Variants in AOX1 observed in about 807,000 individuals in gnomAD.
The protein encoded by AOX1 is aldehyde oxidase 1.
AOX1 carries 153 observed loss-of-function variants against 169.5 expected under a neutral mutation model. That is an observed-to-expected ratio of 0.90 (90% CI 0.79 to 1.03). The LOEUF (loss-of-function observed/expected upper bound fraction) is 1.03, where lower values mean the gene tolerates loss of function less well. Ranked by LOEUF, AOX1 falls within the 50% of genes least tolerant of loss-of-function variation. The pLI is 0.00. For synonymous variants in AOX1, 562 were observed against 581.9 expected (o/e 0.97, Z 0.49); for missense variants, 1,656 against 1,663.9 (o/e 1.00, Z 0.08).
rs151033863 is a variant in AOX1, at chr2:200,667,369, C to G, written c.3609+617C>G. Among the ~76,000 whole-genome samples, 675 of 152,180 alleles carry G rather than the reference C, an allele frequency of 4.4e-3. 10 individuals are homozygous for G. The highest frequency in any genetic ancestry group is 0.016 in the African/African-American group (651 of 41,502). ...AGGACCCACCTGGAATCTTCATATA[C>G]TGGGTTTGCGTGTCTCGAACCTGGA... On this transcript the variant is annotated intron_variant, in intron 32 of 34. Transcript: ENST00000374700.
chr2:200,591,093 A>G (rs1204812300), intron 1 of AOX1, among the ~76,000 whole-genome samples: 1 of 152,174 alleles, frequency 6.6e-6, no homozygotes, highest in Admixed American at 6.5e-5. Flanking sequence ...CCTTCTTGGT[A>G]TCTCATACCA....
Position 200,597,414 on chromosome 2 carries a change from C to G in AOX1, c.218C>G (p.Ala73Gly). The part of the protein sequence containing the change: ...TKRIRHHPAN[A>G]CLIPICSLYG... ...TTCTGAAGGCATCACCCAGCCAATG[C>G]CTGTCTGATTCCCATCTGTTCTCTG... is the stretch of plus-strand genomic sequence containing the variant. Residue 73 changes from alanine (A) to glycine (G), a missense_variant, in exon 4 of 35, where the codon GCC becomes GGC. Transcript: ENST00000374700. 6.2e-7 allele frequency: 1 copy of G among 1,608,170 alleles called. No individual in the cohort carries two copies. The highest frequency in any genetic ancestry group is 1.7e-5 in the Admixed American group (1 of 59,392).
At chr2:200,669,825 C>T (rs571154289) in intron 34 of AOX1, 83 bp downstream of exon 34, 48 of 1,444,288 alleles carry the variant, frequency 3.3e-5, no homozygotes, top group Middle Eastern at 4.9e-4. Flanking sequence ...TTTTCGTGAA[C>T]GCACTGCTGT....
Position 200,604,010 on chromosome 2 carries a change from T to C in AOX1, c.589-7T>C. 1 of 1,598,816 alleles carries C rather than the reference T, an allele frequency of 6.3e-7. No individual in the cohort carries two copies. On this transcript the variant is annotated splice_polypyrimidine_tract_variant and splice_region_variant and intron_variant, in intron 7 of 34. Coordinates refer to ENST00000374700, the MANE Select transcript of AOX1 (RefSeq NM_001159.4). The stretch of plus-strand genomic sequence containing the variant: ...TAACAGTAATTTCTGATATGTTCTC[T>C]TTTTAGACAAGTCCAAAACTCTTCG...
intron 26 of AOX1, among the ~76,000 whole-genome samples, chr2:200,653,060 G>A (rs1387782731): frequency 6.6e-6 from 1 of 152,192 alleles, no homozygotes; most frequent in Non-Finnish European, 1.5e-5. Flanking sequence ...ACTGGCTCAA[G>A]GTCCTGCAGC....
intron 2 of AOX1, among the ~76,000 whole-genome samples, chr2:200,593,760 G>T (rs1314129528): frequency 1.3e-5 from 2 of 152,072 alleles, no homozygotes; most frequent in Non-Finnish European, 2.9e-5. Flanking sequence ...TTTTCCCCCT[G>T]GAGAGAGTAA....
At chr2:200,658,803 A>G (rs1474597817) in intron 27 of AOX1, among the ~76,000 whole-genome samples, 1 of 152,162 alleles carries the variant, frequency 6.6e-6, no homozygotes, top group Non-Finnish European at 1.5e-5. Context: ...CCTATCATTG[A>G]TAAGGTTCTG....
intron 10 of AOX1, among the ~76,000 whole-genome samples, chr2:200,608,515 G>A (rs2034562658): frequency 6.6e-6 from 1 of 152,152 alleles, no homozygotes; most frequent in African/African-American, 2.4e-5. Flanking sequence ...TCTAACTCTT[G>A]ACAATGGCAT....
intron 25 of AOX1, 108 bp downstream of exon 25, chr2:200,642,909 T>A: frequency 9.3e-7 from 1 of 1,078,272 alleles, no homozygotes; most frequent in Non-Finnish European, 1.3e-6. Context: ...GGCAAATGAT[T>A]TGTGCCAAGT....
At chr2:200,600,407 T>C (rs1487017056) in intron 5 of AOX1, among the ~76,000 whole-genome samples, 1 of 152,116 alleles carries the variant, frequency 6.6e-6, no homozygotes, top group Non-Finnish European at 1.5e-5. Context: ...ACTTGATACT[T>C]ATTGCAAAGA....
At chr2:200,663,572 A>ACACACACT (rs1286010281) in intron 31 of AOX1, among the ~76,000 whole-genome samples, 19 of 105,148 alleles carry the variant, frequency 1.8e-4, no homozygotes, top group East Asian at 7.0e-4. Context: ...ACACACACAC[A>ACACACACT]CTCTCTCTCT....
chr2:200,595,857 C>T (rs544300809), intron 3 of AOX1, among the ~76,000 whole-genome samples: 2 of 152,320 alleles, frequency 1.3e-5, no homozygotes, highest in African/African-American at 4.8e-5. Context: ...GGTGCATTCT[C>T]CATACATCAG....
At chr2:200,657,190 A>ATATATATATATATATATATATT in intron 27 of AOX1, among the ~76,000 whole-genome samples, 7 of 62,872 alleles carry the variant, frequency 1.1e-4, no homozygotes, top group Admixed American at 2.4e-4. Context: ...ATATATATAT[A>ATATATATATATATATATATATT]TTTTTTTTTT....
chr2:200,650,321 G>A (rs903914148), intron 25 of AOX1, among the ~76,000 whole-genome samples: 2 of 152,176 alleles, frequency 1.3e-5, no homozygotes, highest in African/African-American at 4.8e-5. Context: ...TGCTTCGGAG[G>A]GTGGGGAGAG....
chr2:200,669,461 A>C (rs41271445), intron 33 of AOX1, 114 bp from the exon 34 acceptor site: 42,744 of 1,229,626 alleles, frequency 0.035, 970 homozygotes, highest in South Asian at 0.051. Flanking sequence ...AAAAAAAAAA[A>C]AATGTACATA....
intron 27 of AOX1, among the ~76,000 whole-genome samples, chr2:200,657,190 A>ATATATATATATT: frequency 1.7e-4 from 11 of 62,866 alleles, no homozygotes; most frequent in African/African-American, 5.5e-4. Flanking sequence ...ATATATATAT[A>ATATATATATATT]TTTTTTTTTT....
chr2:200,672,031 AAAG>A (rs1306259276), downstream of AOX1, among the ~76,000 whole-genome samples: 1 of 152,242 alleles, frequency 6.6e-6, no homozygotes, highest in African/African-American at 2.4e-5. Flanking sequence ...TGTCTAAATG[AAAG>A]AAGCCAGGCA....
In AOX1 at chr2:200,616,782, G is replaced by A. The variant is rs536215898; in HGVS notation, c.1704+719G>A. The stretch of plus-strand genomic sequence containing the variant: ...TTATTATCAGGAAACTTGACCTCGA[G>A]AGTTTTAGTAAGTCAAGAACATGAA... On this transcript the variant is annotated intron_variant, in intron 16 of 34. Transcript: ENST00000374700. Among the ~76,000 whole-genome samples the A allele has an allele frequency of 6.6e-5, 10 of 152,262 alleles. No homozygotes were observed. In the South Asian group the frequency reaches 2.1e-3, roughly 32 times the overall value.
At chr2:200,634,092 C>G (rs1453852979) in intron 20 of AOX1, among the ~76,000 whole-genome samples, 1 of 147,034 alleles carries the variant, frequency 6.8e-6, no homozygotes, top group African/African-American at 2.5e-5. Flanking sequence ...TGCTTATTGT[C>G]TTAATTTTTT....
Sources: gnomAD v4.1 joint callset for allele counts (sites outside exome capture counted in the v4.1 genomes callset) on GRCh38, gnomAD v4.1.1 for gene constraint, MANE v1.5 for transcripts, NCBI Gene and HGNC (gene_info 2026-07-23, HGNC 2026-07-21) for gene names.